The following PCDHGA10 variants were observed in gnomAD, a reference collection of about 807,000 sequenced individuals.
The protein encoded by PCDHGA10 is protocadherin gamma subfamily A, 10.
A neutral mutation model predicts 59.5 loss-of-function variants in PCDHGA10; 42 were observed. The ratio of observed to expected loss-of-function variants is 0.71; its 90% CI spans 0.55 to 0.91. PCDHGA10 has a LOEUF of 0.91. Ranked by LOEUF, PCDHGA10 falls within the 40% of genes least tolerant of loss-of-function variation. The probability of loss-of-function intolerance (pLI) is 0.00; values close to 1 mark genes in which losing one functional copy is unlikely to be tolerated. For synonymous variants in PCDHGA10, 511 were observed against 517.2 expected (o/e 0.99, Z 0.16); for missense variants, 1,111 against 1,198.2 (o/e 0.93, Z 1.07).
chr5:141,484,883 G>GCC (rs1231530221), intron 1 of PCDHGA10: 2 of 352,506 alleles, frequency 5.7e-6, no homozygotes, highest in Admixed American at 9.0e-5. Flanking sequence ...GATAGGGTGG[G>GCC]CTTTTTCCCC....
chr5:141,496,251 G>A (rs746722054), intron 2 of PCDHGA10, among the ~76,000 whole-genome samples: 7 of 152,150 alleles, frequency 4.6e-5, no homozygotes, highest in African/African-American at 7.2e-5. Context: ...TGAAGGGGAG[G>A]GAAACTTCAG....
chr5:141,470,627 G>A (rs977900352), intron 1 of PCDHGA10, among the ~76,000 whole-genome samples: 3 of 152,154 alleles, frequency 2.0e-5, no homozygotes, highest in Non-Finnish European at 2.9e-5. Flanking sequence ...TGCTTAGATA[G>A]GCCCCCTTGC....
Position 141,487,660 on chromosome 5 carries a change from T to C in PCDHGA10, c.2437-7147T>C. Reference sequence around the variant, plus strand: ...AACAAATGCTTGAGGGTTATTCTGATCCAGGCATATGGCTAGGCCATGTCC... The same window carrying C: ...AACAAATGCTTGAGGGTTATTCTGACCCAGGCATATGGCTAGGCCATGTCC... On this transcript the variant is annotated intron_variant, in intron 1 of 3. Coordinates refer to ENST00000398610, the MANE Select transcript of PCDHGA10 (RefSeq NM_018913.3). The surrounding 1 kb of genome is among the most constrained non-coding windows in gnomAD (Gnocchi z 5.0). The C allele has an allele frequency of 6.2e-7, 1 of 1,613,442 alleles. No homozygotes were observed. The highest frequency in any genetic ancestry group is 8.5e-7 in the Non-Finnish European group (1 of 1,179,710).
rs1384304697 is a variant in PCDHGA10, at chr5:141,413,221, G to C, written c.46G>C (p.Gly16Arg). ...NRSKESKDCS[G>R]LVLLCLFFGI... ...CTCAAAGGAATCAAAGGATTGCAGC[G>C]GGCTGGTCCTGCTCTGCCTTTTCTT... The change falls in exon 1 of 4, where the codon GGG (glycine) becomes CGG (arginine). Residue 16 changes from glycine to arginine, a missense_variant. Gly to Arg is a moderately radical substitution (Grantham distance 125, BLOSUM62 -2). Coordinates refer to ENST00000398610, the MANE Select transcript of PCDHGA10 (RefSeq NM_018913.3). 6.2e-7 allele frequency: 1 copy of C among 1,613,570 alleles called. No homozygotes were observed. The highest frequency in any genetic ancestry group is 1.1e-5 in the South Asian group (1 of 91,052).
chr5:141,431,767 T>G lies in PCDHGA10; in HGVS notation c.2436+16156T>G, dbSNP rs1397063213. On this transcript the variant is annotated intron_variant, in intron 1 of 3. Coordinates refer to ENST00000398610, the MANE Select transcript of PCDHGA10 (RefSeq NM_018913.3). The surrounding 1 kb of genome is among the most constrained non-coding windows in gnomAD (Gnocchi z 4.8). ...CTGCGCGAGCCAAAGTCCTGATCAC[T>G]GTTCTGGACGTGAACGACAATGCCC... The G allele has an allele frequency of 6.2e-7, 1 of 1,614,224 alleles. No individual in the cohort carries two copies.
chr5:141,485,380 G>A lies in PCDHGA10; in HGVS notation c.2437-9427G>A. The A allele has an allele frequency of 1.9e-6, 3 of 1,614,146 alleles. No individual in the cohort carries two copies. The highest frequency in any genetic ancestry group is 2.5e-6 in the Non-Finnish European group (3 of 1,180,032). On this transcript the variant is annotated intron_variant, in intron 1 of 3. Coordinates refer to ENST00000398610, the MANE Select transcript of PCDHGA10 (RefSeq NM_018913.3). This position sits in a 1 kb window ranked among gnomAD's most constrained non-coding sequence, Gnocchi z 5.7. ...CTCGCAGGCTGCAGGTCGCTGGAGA[G>A]GTGAACCAAAGACACTTCCGTGTGG... is the stretch of plus-strand genomic sequence containing the variant.
chr5:141,471,208 C>G (rs559571022), intron 1 of PCDHGA10: 1 of 151,664 alleles, frequency 6.6e-6, no homozygotes, highest in Non-Finnish European at 1.5e-5. Context: ...CACCCCCATG[C>G]CTGGCAATTT....
intron 1 of PCDHGA10, among the ~76,000 whole-genome samples, chr5:141,430,143 A>C (rs1451633366): frequency 2.0e-5 from 3 of 152,180 alleles, no homozygotes; most frequent in Non-Finnish European, 4.4e-5. Flanking sequence ...TCCATTCAGG[A>C]TCATTCAAGG....
At chr5:141,501,326 CACACA>C (rs2099807944) in intron 2 of PCDHGA10, among the ~76,000 whole-genome samples, 1 of 151,784 alleles carries the variant, frequency 6.6e-6, no homozygotes, top group Non-Finnish European at 1.5e-5. Flanking sequence ...CACACACACA[CACACA>C]CACCCCAAAC....
At chr5:141,463,738 G>A (rs1002263384) in intron 1 of PCDHGA10, among the ~76,000 whole-genome samples, 4 of 151,978 alleles carry the variant, frequency 2.6e-5, no homozygotes, top group Admixed American at 2.6e-4. Flanking sequence ...GAGCCACCGC[G>A]CCCGGCCTGC....
Position 141,489,088 on chromosome 5 carries a change from G to GCCA in PCDHGA10, c.2437-5719_2437-5718insCCA. ...CCCCTGCCCACCCCCGCCACTCGGTGACTAAGAACTGCTGCAAGCAGGCAA... is the reference window on the plus strand; with the variant it reads ...CCCCTGCCCACCCCCGCCACTCGGTGCCAACTAAGAACTGCTGCAAGCAGGCAA... On this transcript the variant is annotated intron_variant, in intron 1 of 3. Coordinates refer to ENST00000398610, the MANE Select transcript of PCDHGA10 (RefSeq NM_018913.3). This position sits in a 1 kb window ranked among gnomAD's most constrained non-coding sequence, Gnocchi z 4.5. The GCCA allele has an allele frequency of 2.9e-6, 1 of 347,238 alleles. No individual in the cohort carries two copies. 21.5% of individuals were successfully genotyped at this position (347,238 alleles called of 1,614,324 possible). A position where few individuals can be genotyped will look rare whatever the true frequency, so the allele number is the denominator to read the frequency against.
chr5:141,422,226 G>A (rs766346054), intron 1 of PCDHGA10: 1 of 1,565,844 alleles, frequency 6.4e-7, no homozygotes, highest in East Asian at 2.2e-5. Flanking sequence ...CCACCACGAC[G>A]ATGTTGATCA....
intron 1 of PCDHGA10, among the ~76,000 whole-genome samples, chr5:141,482,207 G>T (rs983812650): frequency 6.6e-6 from 1 of 152,130 alleles, no homozygotes; most frequent in East Asian, 1.9e-4. Flanking sequence ...AAACAGACCA[G>T]GTACTTGTTT....
Position 141,431,962 on chromosome 5 carries a change from C to G in PCDHGA10, c.2436+16351C>G. 1.2e-6 allele frequency: 2 copies of G among 1,614,190 alleles called. No homozygotes were observed. Among genetic ancestry groups the G allele is most frequent in the South Asian group, 2.2e-5 (2 of 91,086 alleles). ...AATTAGAAAAATCTTACGGAAATTACTATAGTTTAGTCACAGACATAGTCT... is the reference window on the plus strand; with the variant it reads ...AATTAGAAAAATCTTACGGAAATTAGTATAGTTTAGTCACAGACATAGTCT... On this transcript the variant is annotated intron_variant, in intron 1 of 3. Transcript: ENST00000398610. The surrounding 1 kb of genome is among the most constrained non-coding windows in gnomAD (Gnocchi z 4.8).
intron 1 of PCDHGA10, chr5:141,441,917 A>G (rs979307331): frequency 3.1e-5 from 11 of 352,364 alleles, no homozygotes; most frequent in African/African-American, 2.0e-4. Context: ...GATGTGAGAC[A>G]CAATGCGTGG....
intron 2 of PCDHGA10, among the ~76,000 whole-genome samples, chr5:141,498,352 CA>C: frequency 6.6e-6 from 1 of 151,890 alleles, no homozygotes; most frequent in African/African-American, 2.4e-5. Flanking sequence ...AAAGCCTATG[CA>C]AAAGCCTTGT....
At chr5:141,418,233 A>T in intron 1 of PCDHGA10, 1 of 1,614,048 alleles carries the variant, frequency 6.2e-7, no homozygotes, top group Non-Finnish European at 8.5e-7. Flanking sequence ...GTGATTGAGG[A>T]TGTTAATGAC....
chr5:141,469,049 G>A (rs916327969), intron 1 of PCDHGA10, among the ~76,000 whole-genome samples: 3 of 152,054 alleles, frequency 2.0e-5, no homozygotes, highest in African/African-American at 2.4e-5. Context: ...GGCCAAGGTG[G>A]GAGGATTGCT....
Position 141,486,672 on chromosome 5 carries a change from G to A in PCDHGA10, c.2437-8135G>A. The A allele has an allele frequency of 5.0e-6, 8 of 1,614,000 alleles. No homozygotes were observed. Among genetic ancestry groups the A allele is most frequent in the Non-Finnish European group, 5.9e-6 (7 of 1,180,028 alleles). On this transcript the variant is annotated intron_variant, in intron 1 of 3. Coordinates refer to ENST00000398610, the MANE Select transcript of PCDHGA10 (RefSeq NM_018913.3). This position sits in a 1 kb window ranked among gnomAD's most constrained non-coding sequence, Gnocchi z 5.0. Reference sequence around the variant, plus strand: ...TACTCACTCCTGGAGCCCAGGAATCGAGATGTATCAGCTTCCTCTTTCATC... The same window carrying A: ...TACTCACTCCTGGAGCCCAGGAATCAAGATGTATCAGCTTCCTCTTTCATC...
Sources: gnomAD v4.1 joint callset for allele counts (sites outside exome capture counted in the v4.1 genomes callset) on GRCh38, gnomAD v4.1.1 for gene constraint, Gnocchi (gnomAD v3.1) non-coding constraint, MANE v1.5 for transcripts, NCBI Gene and HGNC (gene_info 2026-07-23, HGNC 2026-07-21) for gene names.